The following IARS1 variants were observed in gnomAD, a reference collection of about 807,000 sequenced individuals.
The protein encoded by IARS1 is isoleucyl-tRNA synthetase 1.
A neutral mutation model predicts 168.2 loss-of-function variants in IARS1; 124 were observed. The ratio of observed to expected loss-of-function variants is 0.74; its 90% CI spans 0.64 to 0.86. IARS1 has a LOEUF of 0.86. Among genes scored for constraint, IARS1 ranks in the 40% least tolerant of loss-of-function variants. The pLI is 0.00. For missense variants in IARS1, 1,452 were observed against 1,515.8 expected (o/e 0.96, Z 0.70); for synonymous variants, 532 against 529.4 (o/e 1.00, Z -0.07).
rs1018334318 is a variant in IARS1 at position 92,240,873 on chromosome 9, G to A, written c.3266C>T (p.Ala1089Val). The change falls in exon 30 of 34, where the codon GCA (alanine) becomes GTA (valine). Residue 1089 changes from alanine (A) to valine (V), a missense_variant. Coordinates refer to ENST00000443024, the MANE Select transcript of IARS1 (RefSeq NM_002161.6). ...ACTCTTACCTTGTTCACTGCCATTT[G>A]CACAAATGTTAAGATTGACATATGC... Reference protein sequence around the residue: ...ACAYVNLNICANGSEQGGVLL... With the variant: ...ACAYVNLNICVNGSEQGGVLL... 2.5e-6 allele frequency: 4 copies of A among 1,607,706 alleles called. No individual in the cohort carries two copies. The highest frequency in any genetic ancestry group is 3.4e-6 in the Non-Finnish European group (4 of 1,174,336).
chr9:92,261,878 G>C (rs989946998), intron 17 of IARS1, among the ~76,000 whole-genome samples: 2 of 151,854 alleles, frequency 1.3e-5, no homozygotes, highest in Admixed American at 1.3e-4. Context: ...AGCCTCCCAG[G>C]TAGCTGGGGT....
intron 2 of IARS1, 105 bp from the exon 3 acceptor site, chr9:92,288,387 A>G (rs1318963404): frequency 2.2e-6 from 2 of 916,224 alleles, no homozygotes; most frequent in East Asian, 5.2e-5. Context: ...GGAGAAAAGC[A>G]GCAAGATCAG....
chr9:92,233,145 G>C (rs1826972580), intron 30 of IARS1, among the ~76,000 whole-genome samples: 1 of 152,214 alleles, frequency 6.6e-6, no homozygotes, highest in Admixed American at 6.5e-5. Context: ...TGTCAAATAA[G>C]AAATGTTGTT....
chr9:92,223,550 C>A (rs747266075), intron 31 of IARS1, 61 bp from the exon 32 acceptor site: 2 of 1,377,620 alleles, frequency 1.5e-6, no homozygotes, highest in Non-Finnish European at 1.0e-6. Flanking sequence ...TGAAGTCATT[C>A]AATTTTTCCT....
At chr9:92,219,883 G>A (rs1321849833) in intron 33 of IARS1, among the ~76,000 whole-genome samples, 54 of 151,702 alleles carry the variant, frequency 3.6e-4, no homozygotes, top group African/African-American at 1.3e-3. Context: ...ATCTAGAACT[G>A]GAAATACCAT....
chr9:92,260,017 A>G lies in IARS1; in HGVS notation c.1871+134T>C, dbSNP rs188738894. On this transcript the variant is annotated intron_variant, in intron 18 of 33. Transcript: ENST00000443024. ...GTTTAAAATCAACAACCATACCAAC[A>G]TAACATCCAAATAACAGAGATATGT... 283 of 653,738 alleles carry G rather than the reference A, an allele frequency of 4.3e-4. No homozygotes were observed. In the African/African-American group the frequency reaches 4.4e-3, roughly 10 times the overall value. 40.5% of individuals were successfully genotyped at this position (653,738 alleles called of 1,614,324 possible).
At chr9:92,240,164 G>C (rs1336580219) in intron 30 of IARS1, 1 of 154,506 alleles carries the variant, frequency 6.5e-6, no homozygotes, top group African/African-American at 2.4e-5. Flanking sequence ...TAATATCCAG[G>C]GTGTTTAGAT....
At chr9:92,259,112 G>C in intron 18 of IARS1, 114 bp from the exon 19 acceptor site, 2 of 903,248 alleles carry the variant, frequency 2.2e-6, no homozygotes, top group Non-Finnish European at 3.2e-6. Flanking sequence ...TACAAAAGGG[G>C]GTAATTATGA....
At chr9:92,250,046 T>C (rs1327186884) in intron 24 of IARS1, 105 bp from the exon 25 acceptor site, 2 of 872,032 alleles carry the variant, frequency 2.3e-6, no homozygotes, top group Non-Finnish European at 3.8e-6. Context: ...CTAGTCAGGC[T>C]GGACTAGTAC....
intron 1 of IARS1, among the ~76,000 whole-genome samples, chr9:92,293,098 A>C (rs753591088): frequency 8.5e-5 from 13 of 152,254 alleles, no homozygotes; most frequent in Admixed American, 7.9e-4. Flanking sequence ...TAATCTATTA[A>C]GTCAAATGTA....
At position 92,271,582 on chromosome 9, in the gene IARS1, G is replaced by A; in HGVS notation, c.1064C>T (p.Ser355Leu). 6.2e-7 allele frequency: 1 copy of A among 1,614,128 alleles called. No individual in the cohort carries two copies. The highest frequency in any genetic ancestry group is 1.3e-5 in the African/African-American group (1 of 75,040). The change falls in exon 11 of 34, where the codon TCA becomes TTA. Residue 355 changes from serine to leucine, a missense_variant. Transcript: ENST00000443024. ...TGTCACCTCCGTTGTGAAGCAGCCT[G>A]AAGCATCCACAGGGCAAACAGGGAG... ...DSLPVCPVDA[S>L]GCFTTEVTDF... is the part of the protein sequence containing the mutation.
In IARS1 at chr9:92,229,678, G is replaced by A. The variant is rs2133478851; in HGVS notation, c.3284-552C>T. ...TTTTGAGTTAATTGTAGAGCCAAATGCACGTAGTGAGATACCACAGGCCCC... is the reference window on the plus strand; with the variant it reads ...TTTTGAGTTAATTGTAGAGCCAAATACACGTAGTGAGATACCACAGGCCCC... On this transcript the variant is annotated intron_variant, in intron 30 of 33. Coordinates refer to ENST00000443024, the MANE Select transcript of IARS1 (RefSeq NM_002161.6). Among the ~76,000 whole-genome samples the A allele has an allele frequency of 2.0e-5, 3 of 152,246 alleles. 1 individual carries two copies. The Middle Eastern group carries it at 0.01, about 518-fold the overall frequency.
chr9:92,236,377 G>GGAAGAGTCA lies in IARS1; in HGVS notation c.3283+4478_3283+4479insTGACTCTTC, dbSNP rs1827533129. On this transcript the variant is annotated intron_variant, in intron 30 of 33. Transcript: ENST00000443024. ...AATGTTCCTTCCTCTTCTATTTTCT[G>GGAAGAGTCA]GAAGAGTCTGTGTACAACTGGTGTT... is the stretch of plus-strand genomic sequence containing the variant. Among the ~76,000 whole-genome samples, 3 of 119,850 alleles carry GGAAGAGTCA rather than the reference G, an allele frequency of 2.5e-5. No homozygotes were observed. In the South Asian group the frequency reaches 1.0e-3, roughly 40 times the overall value. The allele number at this position is 119,850 out of a possible 152,430, so 78.6% of individuals were successfully genotyped here. A position where few individuals can be genotyped will look rare whatever the true frequency, so the allele number is the denominator to read the frequency against.
chr9:92,286,044 C>T, intron 5 of IARS1: 3 of 496,112 alleles, frequency 6.0e-6, no homozygotes, highest in Non-Finnish European at 1.1e-5. Context: ...CTACTGATAT[C>T]GAATGATATT....
intron 33 of IARS1, among the ~76,000 whole-genome samples, chr9:92,213,698 G>A (rs1191696026): frequency 6.6e-6 from 1 of 152,182 alleles, no homozygotes; most frequent in Non-Finnish European, 1.5e-5. Flanking sequence ...ATTTGTTGCA[G>A]CAGCCACAGA....
At chr9:92,245,119 G>C in intron 26 of IARS1, 48 bp from the exon 27 acceptor site, 1 of 1,441,800 alleles carries the variant, frequency 6.9e-7, no homozygotes, top group African/African-American at 1.4e-5. Context: ...TCCTCTTCAA[G>C]CTGCCCCACT....
chr9:92,279,216 C>T (rs1171672483), intron 7 of IARS1, among the ~76,000 whole-genome samples: 2 of 152,168 alleles, frequency 1.3e-5, no homozygotes, highest in Non-Finnish European at 2.9e-5. Context: ...AATAAGGCTG[C>T]CACTCCCTAG....
At chr9:92,259,056 C>A in intron 18 of IARS1, 58 bp from the exon 19 acceptor site, 2 of 1,422,178 alleles carry the variant, frequency 1.4e-6, no homozygotes, top group Non-Finnish European at 9.5e-7. Context: ...CCAATTATTA[C>A]TACTCGACAT....
chr9:92,244,890 A>C lies in IARS1; in HGVS notation c.2904+69T>G. On this transcript the variant is annotated intron_variant, in intron 27 of 33. Coordinates refer to ENST00000443024, the MANE Select transcript of IARS1 (RefSeq NM_002161.6). Reference sequence around the variant, plus strand: ...CTGTCAACATTATCAGGAAAGGCACAGGCAAATACTTTCTCCTCTTATGCT... The same window carrying C: ...CTGTCAACATTATCAGGAAAGGCACCGGCAAATACTTTCTCCTCTTATGCT... 2.4e-6 allele frequency: 3 copies of C among 1,251,612 alleles called. No homozygotes were observed. In the South Asian group the frequency reaches 3.7e-5, roughly 15 times the overall value. The allele number at this position is 1,251,612 out of a possible 1,614,324, so 77.5% of individuals were successfully genotyped here. A position where few individuals can be genotyped will look rare whatever the true frequency, so the allele number is the denominator to read the frequency against.
Sources: allele counts gnomAD v4.1 joint callset (sites outside exome capture counted in the v4.1 genomes callset), GRCh38; gene constraint gnomAD v4.1.1; transcripts MANE v1.5; gene names NCBI Gene and HGNC (gene_info 2026-07-23, HGNC 2026-07-21).